The following RAI14 variants were observed in gnomAD, a reference collection of about 807,000 sequenced individuals.
The protein encoded by RAI14 is retinoic acid induced 14, also known as ankycorbin.
RAI14 carries 45 observed loss-of-function variants against 115.4 expected under a neutral mutation model. The ratio of observed to expected loss-of-function variants is 0.39; its 90% CI spans 0.31 to 0.50. The LOEUF is 0.50. Among genes scored for constraint, RAI14 ranks in the 20% least tolerant of loss-of-function variants. The pLI, the probability that RAI14 is intolerant of heterozygous loss-of-function variation, is 0.85. For missense variants in RAI14, 939 were observed against 1,131.2 expected, an observed-to-expected ratio of 0.83 and a Z score of 2.44; for synonymous variants, 371 against 415.4, an observed-to-expected ratio of 0.89 and a Z score of 1.30.
chr5:34,706,310 G>T (rs1395741663), intron 2 of RAI14, among the ~76,000 whole-genome samples: 1 of 152,084 alleles, frequency 6.6e-6, no homozygotes, highest in Non-Finnish European at 1.5e-5. Context: ...AGCAGCCTTG[G>T]CTTTGTGTGA....
chr5:34,777,029 G>A (rs1387929407), intron 3 of RAI14, among the ~76,000 whole-genome samples: 2 of 151,806 alleles, frequency 1.3e-5, no homozygotes, highest in Non-Finnish European at 1.5e-5. Context: ...AAATTAGCCA[G>A]GCATAGTGGC....
intron 10 of RAI14, 103 bp from the exon 11 acceptor site, chr5:34,813,471 A>G (rs1755838189): frequency 1.5e-6 from 1 of 656,666 alleles, no homozygotes; most frequent in African/African-American, 1.8e-5. Context: ...TAAGAAATGT[A>G]TGAACTTTTG....
At chr5:34,830,042 ATGGCATAATC>A (rs1757865382) in intron 17 of RAI14, among the ~76,000 whole-genome samples, 1 of 152,062 alleles carries the variant, frequency 6.6e-6, no homozygotes, top group African/African-American at 2.4e-5. Context: ...CTGGAGTGTA[ATGGCATAATC>A]TCGCCTCACT....
At position 34,776,920 on chromosome 5, in the gene RAI14, G is replaced by A. The variant is rs140095993; in HGVS notation, c.168-19019G>A. Among the ~76,000 whole-genome samples, 594 of 152,210 alleles carry A rather than the reference G, an allele frequency of 3.9e-3. 6 individuals are homozygous for A. The highest frequency in any genetic ancestry group is 0.014 in the African/African-American group (568 of 41,550). Reference sequence around the variant, plus strand: ...GCAGTGGCTCATGCCTGTAATCCCAGCACTTTGGGAAGCCGAGGTGGGAGG... The same window carrying A: ...GCAGTGGCTCATGCCTGTAATCCCAACACTTTGGGAAGCCGAGGTGGGAGG... On this transcript the variant is annotated intron_variant, in intron 3 of 17. Transcript: ENST00000265109.
intron 4 of RAI14, among the ~76,000 whole-genome samples, chr5:34,797,347 T>C (rs900234900): frequency 2.0e-5 from 3 of 152,060 alleles, no homozygotes; most frequent in Non-Finnish European, 4.4e-5. Context: ...TTACTCAAAA[T>C]ATGGTTGGGA....
chr5:34,658,302 C>T (rs1402722638), intron 1 of RAI14, among the ~76,000 whole-genome samples: 1 of 152,176 alleles, frequency 6.6e-6, no homozygotes, highest in African/African-American at 2.4e-5. Context: ...GTGAAATTCT[C>T]TCTCCAGTCT....
At chr5:34,808,761 T>C (rs1755222464) in intron 7 of RAI14, 107 bp downstream of exon 7, 3 of 1,089,262 alleles carry the variant, frequency 2.8e-6, no homozygotes, top group Non-Finnish European at 1.4e-6. Context: ...TCCAACCTTT[T>C]TGGCATCAGG....
At chr5:34,699,990 A>G (rs1028104300) in intron 2 of RAI14, among the ~76,000 whole-genome samples, 2 of 152,166 alleles carry the variant, frequency 1.3e-5, no homozygotes, top group Non-Finnish European at 2.9e-5. Context: ...GCTAGAGATA[A>G]GGAGGGTGGG....
chr5:34,729,641 A>G (rs75231247), intron 2 of RAI14, among the ~76,000 whole-genome samples: 2,041 of 152,272 alleles, frequency 0.013, 37 homozygotes, highest in African/African-American at 0.047. Flanking sequence ...AGATAGGAAA[A>G]CATGTTAAAT....
intron 2 of RAI14, among the ~76,000 whole-genome samples, chr5:34,717,085 A>G (rs1315550601): frequency 6.6e-6 from 1 of 152,268 alleles, no homozygotes; most frequent in East Asian, 1.9e-4. Context: ...GTATGTGCGC[A>G]TGTGTGTGTG....
chr5:34,818,660 C>T (rs181279863), intron 12 of RAI14, 137 bp from the exon 13 acceptor site: 10 of 575,208 alleles, frequency 1.7e-5, no homozygotes, highest in East Asian at 1.5e-4. Flanking sequence ...CTTCTTTCTT[C>T]GAGATTTTCT....
intron 2 of RAI14, among the ~76,000 whole-genome samples, chr5:34,729,621 G>A (rs1265535042): frequency 2.6e-5 from 4 of 152,000 alleles, no homozygotes; most frequent in Non-Finnish European, 4.4e-5. Flanking sequence ...CAATTAATGC[G>A]AAATACTGAA....
intron 2 of RAI14, among the ~76,000 whole-genome samples, chr5:34,732,162 C>G (rs1193704031): frequency 6.6e-6 from 1 of 152,206 alleles, no homozygotes; most frequent in African/African-American, 2.4e-5. Flanking sequence ...TGTCTAGGGA[C>G]TGCCCAAGAG....
intron 1 of RAI14, among the ~76,000 whole-genome samples, chr5:34,668,322 A>G (rs983741902): frequency 5.3e-5 from 8 of 151,920 alleles, no homozygotes; most frequent in African/African-American, 1.9e-4. Flanking sequence ...TGAACTCGGG[A>G]AGCGGAGGTT....
intron 2 of RAI14, among the ~76,000 whole-genome samples, chr5:34,748,361 T>G (rs1746560955): frequency 6.6e-6 from 1 of 152,250 alleles, no homozygotes; most frequent in Admixed American, 6.5e-5. Flanking sequence ...AAACTGCTGG[T>G]TAGGTGCTTG....
At chr5:34,760,303 T>C (rs1234797046) in intron 3 of RAI14, among the ~76,000 whole-genome samples, 1 of 152,196 alleles carries the variant, frequency 6.6e-6, no homozygotes, top group Admixed American at 6.5e-5. Context: ...TGCCTCAGCC[T>C]CCAAAAGTGC....
chr5:34,823,718 G>A lies in RAI14; in HGVS notation c.1876G>A (p.Glu626Lys), dbSNP rs778264318. 6.2e-7 allele frequency: 1 copy of A among 1,614,200 alleles called. No homozygotes were observed. Among genetic ancestry groups the A allele is most frequent in the South Asian group, 1.1e-5 (1 of 91,082 alleles). The change falls in exon 15 of 18, where the codon GAA (glutamate) becomes AAA (lysine). Residue 626 changes from glutamate to lysine, a missense_variant. Coordinates refer to ENST00000265109, the MANE Select transcript of RAI14 (RefSeq NM_015577.3). This position sits in a 1 kb window ranked among gnomAD's most constrained non-coding sequence, Gnocchi z 4.5. ...TCAGATGACACAGGAAGCCAGTGAT[G>A]AAGCTGAGGACATGAAAGAAGCCAT... ...KSQMTQEASDEAEDMKEAMNR... is the reference protein window; with the variant it reads ...KSQMTQEASDKAEDMKEAMNR...
At chr5:34,711,474 C>T (rs184401233) in intron 2 of RAI14, among the ~76,000 whole-genome samples, 56 of 152,286 alleles carry the variant, frequency 3.7e-4, no homozygotes, top group African/African-American at 1.3e-3. Flanking sequence ...GGAATGTCAT[C>T]AGTTAAGGTT....
At chr5:34,787,176 A>G (rs1450256730) in intron 3 of RAI14, among the ~76,000 whole-genome samples, 1 of 152,140 alleles carries the variant, frequency 6.6e-6, no homozygotes, top group Non-Finnish European at 1.5e-5. Context: ...CAGAGATTTT[A>G]TCAGTTTTGG....
Sources: allele counts gnomAD v4.1 joint callset (sites outside exome capture counted in the v4.1 genomes callset), GRCh38; gene constraint gnomAD v4.1.1; non-coding constraint Gnocchi (gnomAD v3.1); transcripts MANE v1.5; gene names NCBI Gene and HGNC (gene_info 2026-07-23, HGNC 2026-07-21).